STXBP5L: variants seen among roughly 807,000 people sequenced by gnomAD.
STXBP5L encodes syntaxin-binding protein 5-like.
In STXBP5L, 65 loss-of-function variants were observed where a neutral mutation model predicts 144.5. The ratio of observed to expected loss-of-function variants is 0.45; its 90% confidence interval spans 0.37 to 0.55. The LOEUF is 0.55. Ranked by LOEUF, STXBP5L falls within the 20% of genes least tolerant of loss-of-function variation. The pLI is 0.00. For missense variants in STXBP5L, 1,298 were observed against 1,405.5 expected (o/e 0.92, Z 1.22); for synonymous variants, 505 against 469.6 (o/e 1.08, Z -0.97).
intron 3 of STXBP5L, among the ~76,000 whole-genome samples, chr3:121,004,024 G>A (rs1944027604): frequency 6.6e-6 from 1 of 152,008 alleles, no homozygotes; most frequent in East Asian, 1.9e-4. Context: ...GATTGACTTG[G>A]CAATGCAGGC....
At chr3:121,326,072 A>C (rs1218563215) in intron 20 of STXBP5L, among the ~76,000 whole-genome samples, 1 of 151,966 alleles carries the variant, frequency 6.6e-6, no homozygotes, top group Non-Finnish European at 1.5e-5. Flanking sequence ...CATTAATCTT[A>C]ACAGAAATGA....
chr3:120,963,058 A>G (rs1199650516), intron 3 of STXBP5L, among the ~76,000 whole-genome samples: 1 of 152,204 alleles, frequency 6.6e-6, no homozygotes, highest in Non-Finnish European at 1.5e-5. Flanking sequence ...GAGTTCACTC[A>G]TGATTTGGCT....
intron 9 of STXBP5L, among the ~76,000 whole-genome samples, chr3:121,174,497 T>G (rs1158251415): frequency 6.6e-6 from 1 of 152,110 alleles, no homozygotes; most frequent in African/African-American, 2.4e-5. Context: ...CCCATGTTAC[T>G]GAAAGGTCAA....
chr3:121,297,032 A>T (rs889713928), intron 19 of STXBP5L, among the ~76,000 whole-genome samples: 1 of 152,192 alleles, frequency 6.6e-6, no homozygotes, highest in African/African-American at 2.4e-5. Flanking sequence ...ACCAATACAA[A>T]TAACAATCAG....
intron 5 of STXBP5L, among the ~76,000 whole-genome samples, chr3:121,091,758 G>A (rs2042810897): frequency 6.6e-6 from 1 of 152,118 alleles, no homozygotes; most frequent in South Asian, 2.1e-4. Flanking sequence ...TTCCTTTGCT[G>A]TGCAGAAGCT....
intron 10 of STXBP5L, among the ~76,000 whole-genome samples, chr3:121,218,261 A>G (rs1191266789): frequency 2.1e-5 from 3 of 143,500 alleles, no homozygotes; most frequent in South Asian, 2.1e-4. Context: ...TACATAGTAT[A>G]ATATAGTATA....
At chr3:121,415,558 G>C (rs529107131) in intron 24 of STXBP5L, among the ~76,000 whole-genome samples, 2 of 152,180 alleles carry the variant, frequency 1.3e-5, no homozygotes, top group East Asian at 3.9e-4. Flanking sequence ...AAGTCTAGTG[G>C]TAATTATTGA....
At chr3:121,191,220 A>T (rs1464106117) in intron 9 of STXBP5L, among the ~76,000 whole-genome samples, 1 of 152,150 alleles carries the variant, frequency 6.6e-6, no homozygotes, top group Admixed American at 6.5e-5. Flanking sequence ...GCGAGCCGAG[A>T]TCACGCCACT....
chr3:121,381,557 C>A, intron 22 of STXBP5L, 25 bp downstream of exon 22: 1 of 1,576,468 alleles, frequency 6.3e-7, no homozygotes, highest in Non-Finnish European at 8.6e-7. Context: ...TCATTCATTC[C>A]TTCACTGTTA....
intron 3 of STXBP5L, among the ~76,000 whole-genome samples, chr3:121,000,606 A>G (rs943379467): frequency 2.0e-5 from 3 of 152,124 alleles, no homozygotes; most frequent in African/African-American, 4.8e-5. Flanking sequence ...CCTGAATTCT[A>G]TGTCTGTCAT....
intron 20 of STXBP5L, chr3:121,324,467 AAT>A (rs1441168281): frequency 4.5e-6 from 3 of 671,210 alleles, no homozygotes; most frequent in Non-Finnish European, 5.3e-6. Flanking sequence ...ACTCCATGCC[AAT>A]AGTTTTATAT....
At chr3:121,368,995 C>A (rs2045948953) in intron 20 of STXBP5L, among the ~76,000 whole-genome samples, 1 of 152,104 alleles carries the variant, frequency 6.6e-6, no homozygotes, top group South Asian at 2.1e-4. Context: ...CTTCTGTGAT[C>A]AGAAGCAGTC....
chr3:120,968,889 T>A (rs1471510087), intron 3 of STXBP5L, among the ~76,000 whole-genome samples: 1 of 152,172 alleles, frequency 6.6e-6, no homozygotes, highest in Non-Finnish European at 1.5e-5. Flanking sequence ...TCATTCCTTT[T>A]TATGGCTGAG....
intron 22 of STXBP5L, among the ~76,000 whole-genome samples, chr3:121,381,864 AG>A (rs1274569197): frequency 6.6e-6 from 1 of 152,168 alleles, no homozygotes; most frequent in Admixed American, 6.6e-5. Flanking sequence ...CATTACCCAA[AG>A]TTCCATGCCA....
At chr3:121,116,964 G>A (rs147666329) in intron 6 of STXBP5L, among the ~76,000 whole-genome samples, 1 of 151,900 alleles carries the variant, frequency 6.6e-6, no homozygotes, top group African/African-American at 2.4e-5. Flanking sequence ...TGCTGCTAAA[G>A]TAATTGAGAA....
chr3:121,012,566 G>C (rs1439398961), intron 3 of STXBP5L, among the ~76,000 whole-genome samples: 2 of 151,708 alleles, frequency 1.3e-5, no homozygotes, highest in African/African-American at 4.8e-5. Context: ...TGATAGGCAT[G>C]TCCCTGGACT....
intron 5 of STXBP5L, among the ~76,000 whole-genome samples, chr3:121,079,961 T>C (rs1576881525): frequency 6.6e-6 from 1 of 152,238 alleles, no homozygotes; most frequent in Non-Finnish European, 1.5e-5. Context: ...GTCTATTTTA[T>C]TTCTTAGGTC....
chr3:120,977,620 A>T (rs1231789934), intron 3 of STXBP5L, among the ~76,000 whole-genome samples: 1 of 152,090 alleles, frequency 6.6e-6, no homozygotes, highest in Non-Finnish European at 1.5e-5. Flanking sequence ...TCCTTAGTTG[A>T]GGCAGTTTCT....
chr3:121,120,955 A>T (rs1454102262), intron 6 of STXBP5L, among the ~76,000 whole-genome samples: 2 of 151,284 alleles, frequency 1.3e-5, no homozygotes, highest in Non-Finnish European at 3.0e-5. Flanking sequence ...ACTAGGAATT[A>T]TAATAGAAAC....
Sources: allele counts gnomAD v4.1 joint callset (sites outside exome capture counted in the v4.1 genomes callset), GRCh38; gene constraint gnomAD v4.1.1; transcripts MANE v1.5; gene names NCBI Gene and HGNC (gene_info 2026-07-23, HGNC 2026-07-21).